DCC: variants seen among roughly 807,000 people sequenced by gnomAD.
The protein encoded by DCC is netrin receptor DCC.
DCC carries 58 observed loss-of-function variants against 172.5 expected under a neutral mutation model. The ratio of observed to expected loss-of-function variants is 0.34; its 90% CI spans 0.27 to 0.42. The LOEUF (loss-of-function observed/expected upper bound fraction) is 0.42, where lower values mean the gene tolerates loss of function less well. Among genes scored for constraint, DCC ranks in the 10% least tolerant of loss-of-function variants. The pLI, the probability that DCC is intolerant of heterozygous loss-of-function variation, is 1.00. For missense variants in DCC, 1,740 were observed against 1,791.0 expected (o/e 0.97, Z 0.51); for synonymous variants, 709 against 644.5 (o/e 1.10, Z -1.52).
At chr18:52,868,772 C>G (rs1353696085) in intron 2 of DCC, among the ~76,000 whole-genome samples, 1 of 152,208 alleles carries the variant, frequency 6.6e-6, no homozygotes, top group African/African-American at 2.4e-5. Flanking sequence ...CCCCCTGCCT[C>G]CAAGGGAGAC....
intron 15 of DCC, among the ~76,000 whole-genome samples, chr18:53,359,449 A>C (rs540156233): frequency 6.6e-6 from 1 of 152,202 alleles, no homozygotes; most frequent in Admixed American, 6.5e-5. Context: ...TATGAGAAAA[A>C]AATATTCTCC....
chr18:53,475,526 G>C (rs2045751615), intron 25 of DCC, among the ~76,000 whole-genome samples: 1 of 152,234 alleles, frequency 6.6e-6, no homozygotes, highest in Non-Finnish European at 1.5e-5. Context: ...CTTGGCTTCA[G>C]AGGGTGTAAC....
chr18:53,132,354 T>C (rs2043669640), intron 7 of DCC, among the ~76,000 whole-genome samples: 1 of 152,028 alleles, frequency 6.6e-6, no homozygotes, highest in Admixed American at 6.6e-5. Context: ...GCATGATGAG[T>C]CGACCTGAGC....
chr18:52,777,810 G>C (rs977421107), intron 2 of DCC, among the ~76,000 whole-genome samples: 2 of 152,102 alleles, frequency 1.3e-5, no homozygotes, highest in African/African-American at 4.8e-5. Flanking sequence ...ATGTTTGAGG[G>C]AGCAAATGAG....
intron 1 of DCC, among the ~76,000 whole-genome samples, chr18:52,367,089 C>T (rs905778531): frequency 2.0e-5 from 3 of 152,228 alleles, no homozygotes; most frequent in South Asian, 2.1e-4. Flanking sequence ...TCGAGCGCAG[C>T]GCCGGTGGGC....
chr18:52,620,246 G>A (rs960560753), intron 1 of DCC, among the ~76,000 whole-genome samples: 2 of 152,178 alleles, frequency 1.3e-5, no homozygotes, highest in African/African-American at 4.8e-5. Flanking sequence ...GAAGGGAGGA[G>A]GTTGGACAGT....
chr18:53,432,639 G>A lies in DCC; in HGVS notation c.3164-2505G>A, dbSNP rs375632532. Among the ~76,000 whole-genome samples, 110 of 152,204 alleles carry A rather than the reference G, an allele frequency of 7.2e-4. 1 individual carries two copies. In the South Asian group the frequency reaches 0.011, roughly 15 times the overall value. On this transcript the variant is annotated intron_variant, in intron 21 of 28. Coordinates refer to ENST00000442544, the MANE Select transcript of DCC (RefSeq NM_005215.4). ...TAAAAATGCTGTGATATGCCAAGAA[G>A]TAACACCCATAAACCCATATCCTTT...
intron 2 of DCC, among the ~76,000 whole-genome samples, chr18:52,866,733 G>T (rs149735550): frequency 0.3 from 45,735 of 152,152 alleles, 8,193 homozygotes; most frequent in Non-Finnish European, 0.42. Flanking sequence ...CATTGATTTT[G>T]TATCCGGAGA....
chr18:53,343,569 A>AT (rs949459541), intron 15 of DCC, among the ~76,000 whole-genome samples: 1 of 151,482 alleles, frequency 6.6e-6, no homozygotes, highest in Non-Finnish European at 1.5e-5. Flanking sequence ...CTTATTAAGG[A>AT]TTTTTTGTGC....
chr18:53,026,460 A>G (rs763152574), intron 5 of DCC, among the ~76,000 whole-genome samples: 3 of 152,156 alleles, frequency 2.0e-5, no homozygotes, highest in Admixed American at 6.5e-5. Context: ...GCTTTCCTTC[A>G]TTGAATTTTC....
intron 2 of DCC, among the ~76,000 whole-genome samples, chr18:52,867,216 C>T (rs1035922215): frequency 6.6e-6 from 1 of 152,114 alleles, no homozygotes; most frequent in African/African-American, 2.4e-5. Flanking sequence ...GCCTTGCATC[C>T]CAGGGATGAA....
chr18:53,422,312 T>C (rs1013610374), intron 21 of DCC, among the ~76,000 whole-genome samples: 3 of 152,212 alleles, frequency 2.0e-5, no homozygotes, highest in African/African-American at 7.2e-5. Context: ...TAGACTCACC[T>C]GGGGCTACCT....
intron 7 of DCC, among the ~76,000 whole-genome samples, chr18:53,097,168 G>A (rs541754192): frequency 4.6e-4 from 70 of 152,268 alleles, no homozygotes; most frequent in African/African-American, 1.6e-3. Flanking sequence ...ACTGATTAAT[G>A]AGCTAATGTA....
At chr18:53,182,145 A>G (rs1252992692) in intron 9 of DCC, among the ~76,000 whole-genome samples, 1 of 152,252 alleles carries the variant, frequency 6.6e-6, no homozygotes, top group Admixed American at 6.5e-5. Flanking sequence ...CTAACTGAAT[A>G]AAACATGCTG....
chr18:52,542,249 G>A (rs1237854052), intron 1 of DCC, among the ~76,000 whole-genome samples: 2 of 151,124 alleles, frequency 1.3e-5, no homozygotes, highest in African/African-American at 4.9e-5. Context: ...TTCAATAGTA[G>A]CCACTCGAAA....
rs543065746 is a variant in DCC, at chr18:53,161,495, T to C, written c.1418+3983T>C. Among the ~76,000 whole-genome samples the C allele has an allele frequency of 3.3e-4, 50 of 152,352 alleles. 1 individual carries two copies. Among genetic ancestry groups the C allele is most frequent in the Middle Eastern group, 3.4e-3 (1 of 294 alleles). On this transcript the variant is annotated intron_variant, in intron 8 of 28. Coordinates refer to ENST00000442544, the MANE Select transcript of DCC (RefSeq NM_005215.4). ...AAGCCTTTCATTCACTTCTTGACTTTATATTCTGTGAACATGCTGATGTGT... is the reference window on the plus strand; with the variant it reads ...AAGCCTTTCATTCACTTCTTGACTTCATATTCTGTGAACATGCTGATGTGT...
chr18:53,088,825 G>C (rs975588066), intron 7 of DCC, among the ~76,000 whole-genome samples: 1 of 152,014 alleles, frequency 6.6e-6, no homozygotes, highest in Non-Finnish European at 1.5e-5. Flanking sequence ...ATTTAAGTTA[G>C]CTTTCTTATT....
intron 1 of DCC, among the ~76,000 whole-genome samples, chr18:52,519,165 C>T (rs1318627011): frequency 6.6e-6 from 1 of 152,116 alleles, no homozygotes; most frequent in Non-Finnish European, 1.5e-5. Context: ...TGGGAGAGCT[C>T]CAGAATGTAG....
intron 28 of DCC, chr18:53,530,228 T>C (rs1003624888): frequency 1.8e-4 from 120 of 655,936 alleles, no homozygotes; most frequent in Non-Finnish European, 1.1e-5. Context: ...ATTTTATAGA[T>C]GAAGAAAATT....
Sources: allele counts gnomAD v4.1 joint callset (sites outside exome capture counted in the v4.1 genomes callset), GRCh38; gene constraint gnomAD v4.1.1; transcripts MANE v1.5; gene names NCBI Gene and HGNC (gene_info 2026-07-23, HGNC 2026-07-21).